RBFOX3: variants seen among roughly 807,000 people sequenced by gnomAD.
RBFOX3 encodes the protein RNA binding fox-1 homolog 3, also known as RNA binding protein fox-1 homolog 3.
A neutral mutation model predicts 48.7 loss-of-function variants in RBFOX3; 17 were observed. The observed-to-expected ratio is 0.35, with a 90% confidence interval of 0.24 to 0.52. RBFOX3 has a LOEUF of 0.52. Among genes scored for constraint, RBFOX3 ranks in the 20% least tolerant of loss-of-function variants. The pLI, the probability that RBFOX3 is intolerant of heterozygous loss-of-function variation, is 0.94. For missense variants in RBFOX3, 382 were observed against 497.5 expected, an observed-to-expected ratio of 0.77 and a Z score of 2.21; for synonymous variants, 212 against 209.5, an observed-to-expected ratio of 1.01 and a Z score of -0.10.
At chr17:79,202,437 C>A (rs906170637) in intron 4 of RBFOX3, among the ~76,000 whole-genome samples, 1 of 152,164 alleles carries the variant, frequency 6.6e-6, no homozygotes, top group Non-Finnish European at 1.5e-5. Context: ...GTAGAGTCTG[C>A]CACTGCTAGG....
In RBFOX3 at chr17:79,480,104, A is replaced by C. The variant is rs2078564148; in HGVS notation, c.-175+2350T>G. On this transcript the variant is annotated intron_variant, in intron 2 of 14. Transcript: ENST00000693108. The surrounding 1 kb of genome is among the most constrained non-coding windows in gnomAD (Gnocchi z 4.8). ...TCACAGCGACACTGCAGGGAGCCCC[A>C]GGACAGAAAGAGCCAGAAAGAGCAG... Among the ~76,000 whole-genome samples, 1 of 152,218 alleles carries C rather than the reference A, an allele frequency of 6.6e-6. No individual in the cohort carries two copies. The highest frequency in any genetic ancestry group is 1.9e-4 in the East Asian group (1 of 5,198).
chr17:79,204,496 GCATT>G lies in RBFOX3; in HGVS notation c.-34+31266_-34+31269del, dbSNP rs1258639967. On this transcript the variant is annotated intron_variant, in intron 4 of 14. Coordinates refer to ENST00000693108, the MANE Select transcript of RBFOX3 (RefSeq NM_001350451.2). This position sits in a 1 kb window ranked among gnomAD's most constrained non-coding sequence, Gnocchi z 4.5. ...TCCTTGAAGCGCACACATACCGACA[GCATT>G]CAGTCAACGAGGTCGACGCGCTGGA... Among the ~76,000 whole-genome samples the G allele has an allele frequency of 2.0e-5, 3 of 152,200 alleles. No individual in the cohort carries two copies. Among genetic ancestry groups the G allele is most frequent in the Admixed American group, 1.3e-4 (2 of 15,278 alleles).
At chr17:79,384,809 G>A (rs889639792) in intron 2 of RBFOX3, among the ~76,000 whole-genome samples, 6 of 152,212 alleles carry the variant, frequency 3.9e-5, no homozygotes, top group African/African-American at 9.6e-5. Context: ...CCTGAACACA[G>A]CACATCTAAA....
chr17:79,329,959 C>G (rs1001371618), intron 2 of RBFOX3, among the ~76,000 whole-genome samples: 1 of 152,196 alleles, frequency 6.6e-6, no homozygotes, highest in Non-Finnish European at 1.5e-5. Flanking sequence ...CCCAGGAGCA[C>G]CTCTGTTCAC....
intron 1 of RBFOX3, among the ~76,000 whole-genome samples, chr17:79,576,250 T>G (rs2092852237): frequency 6.6e-6 from 1 of 152,234 alleles, no homozygotes; most frequent in Admixed American, 6.5e-5. Flanking sequence ...TGTAATCATG[T>G]GAACAAATTC....
upstream of RBFOX3, among the ~76,000 whole-genome samples, chr17:79,611,169 T>TCTCG (rs2093963785): frequency 1.5e-4 from 4 of 25,926 alleles, 1 homozygote; most frequent in South Asian, 3.5e-3. Context: ...TCTCTCTCTC[T>TCTCG]CTCTCCGCCC....
At chr17:79,137,112 G>A (rs191544111) in intron 4 of RBFOX3, among the ~76,000 whole-genome samples, 115 of 152,216 alleles carry the variant, frequency 7.6e-4, no homozygotes, top group Middle Eastern at 3.4e-3. Flanking sequence ...GAACCCCAGC[G>A]GGGTAGCCCC....
chr17:79,307,564 T>C (rs748749689), intron 3 of RBFOX3, among the ~76,000 whole-genome samples, 160 bp downstream of exon 3: 3 of 152,186 alleles, frequency 2.0e-5, no homozygotes, highest in African/African-American at 4.8e-5. Context: ...GGGAACCCCA[T>C]GGTGGGGACC....
At chr17:79,384,471 T>C (rs2060319240) in intron 2 of RBFOX3, among the ~76,000 whole-genome samples, 1 of 152,006 alleles carries the variant, frequency 6.6e-6, no homozygotes, top group Admixed American at 6.5e-5. Flanking sequence ...ACAGGGGGTT[T>C]AAGCAGGCTG....
Position 79,421,986 on chromosome 17 carries a change from G to A in RBFOX3, c.-175+60468C>T, listed in dbSNP as rs1259132559. Among the ~76,000 whole-genome samples the A allele has an allele frequency of 3.9e-5, 6 of 152,142 alleles. No individual in the cohort carries two copies. Among genetic ancestry groups the A allele is most frequent in the Non-Finnish European group, 5.9e-5 (4 of 68,028 alleles). On this transcript the variant is annotated intron_variant, in intron 2 of 14. Transcript: ENST00000693108. This position sits in a 1 kb window ranked among gnomAD's most constrained non-coding sequence, Gnocchi z 4.5. ...CTAGGTGCTGCCCGGACGAGATGAG[G>A]AGGGGGACTTGCCGGCTGCTGGCTT...
chr17:79,391,557 C>G lies in RBFOX3; in HGVS notation c.-174-83733G>C, dbSNP rs150770044. On this transcript the variant is annotated intron_variant, in intron 2 of 14. Transcript: ENST00000693108. This position sits in a 1 kb window ranked among gnomAD's most constrained non-coding sequence, Gnocchi z 5.0. ...GATTTTAATCTCACCCGAAACCAAC[C>G]TCACAGGTGCTGATTCACTTTTAGG... Among the ~76,000 whole-genome samples the G allele has an allele frequency of 2.3e-4, 35 of 152,362 alleles. No individual in the cohort carries two copies. The highest frequency in any genetic ancestry group is 8.4e-4 in the African/African-American group (35 of 41,586).
chr17:79,424,733 G>A (rs782635786), intron 2 of RBFOX3, among the ~76,000 whole-genome samples: 14 of 152,164 alleles, frequency 9.2e-5, no homozygotes, highest in East Asian at 1.9e-4. Context: ...GGGCCGGGCC[G>A]GAGCTCCAGC....
At chr17:79,407,486 A>G (rs1486696737) in intron 2 of RBFOX3, among the ~76,000 whole-genome samples, 1 of 152,258 alleles carries the variant, frequency 6.6e-6, no homozygotes, top group Non-Finnish European at 1.5e-5. Context: ...CCGCATCTTC[A>G]TTGAAGTGCT....
At chr17:79,375,547 G>A (rs2059125527) in intron 2 of RBFOX3, among the ~76,000 whole-genome samples, 1 of 152,158 alleles carries the variant, frequency 6.6e-6, no homozygotes, top group Non-Finnish European at 1.5e-5. Context: ...TTCTGGGAGA[G>A]CTCTCTGCCA....
the RBFOX3 span, among the ~76,000 whole-genome samples, chr17:79,653,999 TGAACAGTATGATTTTGAA>T: frequency 1.3e-5 from 2 of 152,088 alleles, no homozygotes; most frequent in Non-Finnish European, 2.9e-5. Context: ...GTTTGTCACC[TGAACAGTATGATTTTGAA>T]AGAAATACTG....
intron 2 of RBFOX3, among the ~76,000 whole-genome samples, chr17:79,320,324 C>T (rs530633958): frequency 1.2e-4 from 19 of 152,294 alleles, no homozygotes; most frequent in African/African-American, 4.3e-4. Flanking sequence ...TGCTGGCAGT[C>T]CAGACCCCTA....
At chr17:79,172,327 C>T (rs2049511423) in intron 4 of RBFOX3, among the ~76,000 whole-genome samples, 1 of 152,142 alleles carries the variant, frequency 6.6e-6, no homozygotes, top group Non-Finnish European at 1.5e-5. Context: ...ACCATGACTA[C>T]ATTATTCTGA....
At chr17:79,488,365 G>C (rs112832988) in intron 1 of RBFOX3, among the ~76,000 whole-genome samples, 1 of 4,776 alleles carries the variant, frequency 2.1e-4, no homozygotes, top group African/African-American at 4.9e-4. Flanking sequence ...CCCCCTCCCC[G>C]GGGCCTACTG....
the RBFOX3 span, among the ~76,000 whole-genome samples, chr17:79,656,817 G>GAAAAAGAA: frequency 8.5e-6 from 1 of 117,884 alleles, no homozygotes; most frequent in Non-Finnish European, 1.6e-5. Flanking sequence ...AAAAGAAAGA[G>GAAAAAGAA]AAAGAAAGAA....
Sources: allele counts gnomAD v4.1 joint callset (sites outside exome capture counted in the v4.1 genomes callset), GRCh38; gene constraint gnomAD v4.1.1; non-coding constraint Gnocchi (gnomAD v3.1); transcripts MANE v1.5; gene names NCBI Gene and HGNC (gene_info 2026-07-23, HGNC 2026-07-21).